KCND2: variants seen among roughly 807,000 people sequenced by gnomAD.
The protein encoded by KCND2 is potassium voltage-gated channel subfamily D member 2, also known as A-type voltage-gated potassium channel KCND2.
KCND2 carries 16 observed loss-of-function variants against 54.4 expected under a neutral mutation model. That is an observed-to-expected ratio of 0.29 (90% confidence interval 0.20 to 0.45). The LOEUF (loss-of-function observed/expected upper bound fraction) is 0.45. KCND2 is among the 20% of genes least tolerant of loss of function. The probability of loss-of-function intolerance (pLI) is 1.00; values close to 1 mark genes in which losing one functional copy is unlikely to be tolerated. For missense variants in KCND2, 486 were observed against 824.2 expected (o/e 0.59, Z 5.02); for synonymous variants, 317 against 310.7 (o/e 1.02, Z -0.21).
At chr7:120,354,786 G>T (rs183525340) in intron 1 of KCND2, among the ~76,000 whole-genome samples, 1 of 151,904 alleles carries the variant, frequency 6.6e-6, no homozygotes, top group Non-Finnish European at 1.5e-5. Context: ...GAAAAGAAAA[G>T]AAAAGCAAAG....
chr7:120,601,227 A>G (rs1792809738), intron 1 of KCND2, among the ~76,000 whole-genome samples: 1 of 152,126 alleles, frequency 6.6e-6, no homozygotes, highest in African/African-American at 2.4e-5. Flanking sequence ...AGTTGGTACT[A>G]TATTTTATTT....
chr7:120,691,887 G>A (rs924898468), intron 1 of KCND2, among the ~76,000 whole-genome samples: 1 of 152,192 alleles, frequency 6.6e-6, no homozygotes, highest in African/African-American at 2.4e-5. Flanking sequence ...AAAATAAGGA[G>A]AATGCAGAGT....
chr7:120,407,779 A>T (rs1202703852), intron 1 of KCND2, among the ~76,000 whole-genome samples: 2 of 151,518 alleles, frequency 1.3e-5, no homozygotes, highest in Non-Finnish European at 2.9e-5. Flanking sequence ...AAACATTAAC[A>T]TATAAAAACA....
chr7:120,563,116 A>T (rs888381915), intron 1 of KCND2, among the ~76,000 whole-genome samples: 9 of 152,176 alleles, frequency 5.9e-5, no homozygotes, highest in African/African-American at 2.2e-4. Flanking sequence ...AGAGGTTCTA[A>T]TGTTATTAAC....
At chr7:120,602,024 G>A (rs1792819879) in intron 1 of KCND2, among the ~76,000 whole-genome samples, 1 of 152,150 alleles carries the variant, frequency 6.6e-6, no homozygotes. Context: ...ATCTGCAGCA[G>A]CAGCCATCAT....
intron 1 of KCND2, among the ~76,000 whole-genome samples, chr7:120,306,882 T>A (rs1010612603): frequency 6.6e-6 from 1 of 152,080 alleles, no homozygotes; most frequent in Admixed American, 6.6e-5. Context: ...TGGACTATGG[T>A]CTGTCATACA....
At chr7:120,463,151 C>A (rs927747523) in intron 1 of KCND2, among the ~76,000 whole-genome samples, 8 of 151,920 alleles carry the variant, frequency 5.3e-5, no homozygotes, top group Admixed American at 4.6e-4. Context: ...CTTCCCCCGC[C>A]CTTACAGACT....
intron 1 of KCND2, among the ~76,000 whole-genome samples, chr7:120,406,581 A>G (rs1433115091): frequency 6.6e-6 from 1 of 152,074 alleles, no homozygotes; most frequent in African/African-American, 2.4e-5. Context: ...GTAACACAGC[A>G]ATAGCTGATT....
At chr7:120,627,175 C>T (rs1228484578) in intron 1 of KCND2, among the ~76,000 whole-genome samples, 2 of 151,320 alleles carry the variant, frequency 1.3e-5, no homozygotes, top group African/African-American at 4.9e-5. Flanking sequence ...GCATCTGTCA[C>T]GTGTCCAGCA....
At chr7:120,481,248 G>T (rs1054557466) in intron 1 of KCND2, among the ~76,000 whole-genome samples, 1 of 152,172 alleles carries the variant, frequency 6.6e-6, no homozygotes, top group Admixed American at 6.6e-5. Context: ...ATGATGAACC[G>T]GGATACCTGG....
chr7:120,447,410 C>T (rs1029841953), intron 1 of KCND2, among the ~76,000 whole-genome samples: 1 of 151,320 alleles, frequency 6.6e-6, no homozygotes, highest in Non-Finnish European at 1.5e-5. Flanking sequence ...TAAAGAAGCT[C>T]AGTTTTCCCC....
chr7:120,587,978 T>A (rs1792621389), intron 1 of KCND2, among the ~76,000 whole-genome samples: 1 of 152,190 alleles, frequency 6.6e-6, no homozygotes. Flanking sequence ...GTTATAAATA[T>A]GTTTATATTC....
chr7:120,691,406 T>C (rs535113066), intron 1 of KCND2, among the ~76,000 whole-genome samples: 2 of 152,210 alleles, frequency 1.3e-5, no homozygotes, highest in African/African-American at 2.4e-5. Context: ...AGGGAAGAGA[T>C]TGGACAGTAA....
chr7:120,450,995 C>T (rs941633769), intron 1 of KCND2, among the ~76,000 whole-genome samples: 2 of 152,146 alleles, frequency 1.3e-5, no homozygotes, highest in Non-Finnish European at 2.9e-5. Flanking sequence ...AATTCCTGGA[C>T]TCATTTTCCC....
intron 1 of KCND2, among the ~76,000 whole-genome samples, chr7:120,582,436 A>C (rs1173100252): frequency 6.6e-6 from 1 of 152,052 alleles, no homozygotes; most frequent in African/African-American, 2.4e-5. Flanking sequence ...TAACTGTTTT[A>C]AGGACACAAT....
intron 1 of KCND2, among the ~76,000 whole-genome samples, chr7:120,474,419 C>G (rs1802504263): frequency 6.6e-6 from 1 of 152,030 alleles, no homozygotes; most frequent in South Asian, 2.1e-4. Flanking sequence ...CTCACTACAA[C>G]CTCCGCCTCC....
chr7:120,335,568 G>A (rs1035963000), intron 1 of KCND2, among the ~76,000 whole-genome samples: 8 of 151,278 alleles, frequency 5.3e-5, no homozygotes, highest in African/African-American at 1.9e-4. Context: ...CTCACTGCAA[G>A]CGCCACCTCC....
intron 1 of KCND2, among the ~76,000 whole-genome samples, chr7:120,401,399 G>T (rs1801251244): frequency 6.6e-6 from 1 of 152,020 alleles, no homozygotes; most frequent in African/African-American, 2.4e-5. Context: ...TGCCCATTGT[G>T]GAAAGTTACA....
intron 1 of KCND2, among the ~76,000 whole-genome samples, chr7:120,314,526 T>C (rs1042888716): frequency 3.9e-5 from 6 of 152,174 alleles, no homozygotes; most frequent in Non-Finnish European, 8.8e-5. Flanking sequence ...TTTTATTGTG[T>C]TTATACCATG....
Sources: gnomAD v4.1 joint callset for allele counts (sites outside exome capture counted in the v4.1 genomes callset) on GRCh38, gnomAD v4.1.1 for gene constraint, MANE v1.5 for transcripts, NCBI Gene and HGNC (gene_info 2026-07-23, HGNC 2026-07-21) for gene names.